The following SULT1B1 variants were observed in gnomAD, a reference collection of about 807,000 sequenced individuals.
SULT1B1 encodes the protein sulfotransferase 1B1.
SULT1B1 carries 28 observed loss-of-function variants against 34.6 expected under a neutral mutation model. The ratio of observed to expected loss-of-function variants is 0.81; its 90% CI spans 0.60 to 1.11. The LOEUF (loss-of-function observed/expected upper bound fraction) is 1.11, where lower values mean the gene tolerates loss of function less well. Among genes scored for constraint, SULT1B1 ranks in the 50% least tolerant of loss-of-function variants. The pLI is 0.00. For missense variants in SULT1B1, 374 were observed against 352.2 expected (o/e 1.06, Z -0.50); for synonymous variants, 147 against 110.2 (o/e 1.33, Z -2.09).
chr4:69,726,885 C>CTTTA lies in SULT1B1; in HGVS notation c.*199_*202dup, dbSNP rs1336671894. The stretch of plus-strand genomic sequence containing the variant: ...TTTGTTACAAAAAGTTAACAATGAA[C>CTTTA]TTTAGCCTTAGAGAATTTGGAAACT... On this transcript the variant is annotated 3_prime_UTR_variant, in exon 8 of 8. Coordinates refer to ENST00000310613, the MANE Select transcript of SULT1B1 (RefSeq NM_014465.4). 4 of 431,480 alleles carry CTTTA rather than the reference C, an allele frequency of 9.3e-6. No individual in the cohort carries two copies. In the East Asian group the frequency reaches 1.6e-4, roughly 17 times the overall value. The allele number at this position is 431,480 out of a possible 1,614,324, so 26.7% of individuals were successfully genotyped here.
In SULT1B1 at chr4:69,723,178, G is replaced by C. The variant is rs1717707549; in HGVS notation, c.*3910C>G. The C allele has an allele frequency of 6.6e-6, 1 of 151,858 alleles. No homozygotes were observed. The highest frequency in any genetic ancestry group is 2.1e-4 in the South Asian group (1 of 4,788). 9.4% of individuals were successfully genotyped at this position (151,858 alleles called of 1,614,324 possible). Reference sequence around the variant, plus strand: ...GAATCAAATAGATGCAATAAAAAAAGATAAAGGGGATATCACCACCGATGA... The same window carrying C: ...GAATCAAATAGATGCAATAAAAAAACATAAAGGGGATATCACCACCGATGA... On this transcript the variant is annotated 3_prime_UTR_variant, in exon 8 of 8. Transcript: ENST00000310613.
intron 4 of SULT1B1, among the ~76,000 whole-genome samples, chr4:69,744,602 T>C (rs1475246882): frequency 1.3e-5 from 2 of 152,218 alleles, no homozygotes; most frequent in Non-Finnish European, 2.9e-5. Context: ...CTTGTGTTTA[T>C]TTGGATCTTC....
chr4:69,746,707 T>TCAACAATTTTATGTCTGTCAATTCAA (rs1718760689), intron 4 of SULT1B1, among the ~76,000 whole-genome samples: 1 of 152,224 alleles, frequency 6.6e-6, no homozygotes, highest in Non-Finnish European at 1.5e-5. Flanking sequence ...TTCAACAATT[T>TCAACAATTTTATGTCTGTCAATTCAA]CAATCTGGCT....
At chr4:69,753,939 A>G (rs934799768) in intron 3 of SULT1B1, among the ~76,000 whole-genome samples, 5 of 152,148 alleles carry the variant, frequency 3.3e-5, no homozygotes, top group Non-Finnish European at 5.9e-5. Flanking sequence ...TGTATGTCAC[A>G]TTCCTTCCTT....
intron 7 of SULT1B1, among the ~76,000 whole-genome samples, chr4:69,728,878 G>T (rs565048020): frequency 3.3e-5 from 5 of 151,980 alleles, no homozygotes; most frequent in Non-Finnish European, 5.9e-5. Flanking sequence ...GAATGGTGTA[G>T]CCTGGATAAA....
chr4:69,730,420 A>G (rs1718026926), intron 7 of SULT1B1, 81 bp downstream of exon 7: 2 of 1,298,066 alleles, frequency 1.5e-6, no homozygotes, highest in Non-Finnish European at 2.1e-6. Context: ...GAAACTTAGT[A>G]GAGATCACAG....
intron 7 of SULT1B1, 65 bp from the exon 8 acceptor site, chr4:69,727,265 C>A: frequency 7.8e-7 from 1 of 1,285,716 alleles, no homozygotes; most frequent in African/African-American, 1.5e-5. Context: ...TCAGTATATA[C>A]CAAAGGAAAA....
At chr4:69,727,757 G>T (rs1717892581) in intron 7 of SULT1B1, among the ~76,000 whole-genome samples, 1 of 151,862 alleles carries the variant, frequency 6.6e-6, no homozygotes, top group South Asian at 2.1e-4. Flanking sequence ...ATTTAGGTGG[G>T]AATAATAACA....
At chr4:69,753,776 C>T (rs964233666) in intron 3 of SULT1B1, among the ~76,000 whole-genome samples, 7 of 152,126 alleles carry the variant, frequency 4.6e-5, no homozygotes, top group Non-Finnish European at 1.0e-4. Flanking sequence ...GAATTGTAAC[C>T]TAACTGGATG....
intron 4 of SULT1B1, among the ~76,000 whole-genome samples, chr4:69,748,701 G>T (rs1718848984): frequency 6.6e-6 from 1 of 152,076 alleles, no homozygotes; most frequent in African/African-American, 2.4e-5. Flanking sequence ...ATCAATAACA[G>T]AATGAAAACA....
chr4:69,749,327 T>G (rs73826834), intron 4 of SULT1B1, among the ~76,000 whole-genome samples: 11,308 of 152,204 alleles, frequency 0.074, 477 homozygotes, highest in African/African-American at 0.11. Context: ...AGCTATTAAA[T>G]AAATAGAATT....
intron 4 of SULT1B1, among the ~76,000 whole-genome samples, chr4:69,743,390 G>T (rs895999539): frequency 6.6e-6 from 1 of 152,146 alleles, no homozygotes; most frequent in Non-Finnish European, 1.5e-5. Context: ...CGTTTTATGG[G>T]CCTCAGAGGG....
intron 4 of SULT1B1, among the ~76,000 whole-genome samples, chr4:69,742,283 G>A (rs954781873): frequency 2.6e-5 from 4 of 152,100 alleles, no homozygotes; most frequent in African/African-American, 9.7e-5. Flanking sequence ...GTATTTTGTT[G>A]AGGATTTTAG....
chr4:69,742,531 T>C (rs1718590161), intron 4 of SULT1B1, among the ~76,000 whole-genome samples: 2 of 152,254 alleles, frequency 1.3e-5, no homozygotes, highest in Non-Finnish European at 2.9e-5. Context: ...TTGTTATTAC[T>C]AATTCATTTT....
rs1560531744 is a variant in SULT1B1, at chr4:69,754,772, C to G, written c.175G>C (p.Asp59His). Residue 59 changes from aspartate to histidine, a missense_variant, in exon 3 of 8, where the codon GAC (aspartate) becomes CAC (histidine). Coordinates refer to ENST00000310613, the MANE Select transcript of SULT1B1 (RefSeq NM_014465.4). ...ATATCTCCATCATTTAGAATCATGT[C>G]TATAATTTCACTAACCCAAGTAGTA... ...SGTTWVSEII[D>H]MILNDGDIEK... The G allele has an allele frequency of 1.9e-6, 3 of 1,612,548 alleles. No individual in the cohort carries two copies. The South Asian group carries it at 3.3e-5, about 18-fold the overall frequency.
At position 69,727,823 on chromosome 4, in the gene SULT1B1, G is replaced by A. The variant is rs192365546; in HGVS notation, c.779-623C>T. On this transcript the variant is annotated intron_variant, in intron 7 of 7. Coordinates refer to ENST00000310613, the MANE Select transcript of SULT1B1 (RefSeq NM_014465.4). ...ATGTTTTTTAAAGTAAATCTTTGAG[G>A]ATAAAAATTTAAATTTAGTCTCTCA... 2.4e-3 allele frequency among the ~76,000 whole-genome samples: 365 copies of A among 151,876 alleles called. 4 individuals are homozygous for A. Among genetic ancestry groups the A allele is most frequent in the African/African-American group, 8.6e-3 (358 of 41,474 alleles).
chr4:69,746,261 G>T (rs920666655), intron 4 of SULT1B1, among the ~76,000 whole-genome samples: 1 of 152,130 alleles, frequency 6.6e-6, no homozygotes, highest in African/African-American at 2.4e-5. Flanking sequence ...TCTCCATCAA[G>T]GTTGAGAAAA....
chr4:69,725,775 A>T lies in SULT1B1; in HGVS notation c.*1313T>A, dbSNP rs1346341638. ...TTTCAGCAAACTATTGCAAGAACAA[A>T]AAAACCAAACACCTCATGTTCTTAG... On this transcript the variant is annotated 3_prime_UTR_variant, in exon 8 of 8. Coordinates refer to ENST00000310613, the MANE Select transcript of SULT1B1 (RefSeq NM_014465.4). 1 of 151,758 alleles carries T rather than the reference A, an allele frequency of 6.6e-6. No individual in the cohort carries two copies. The highest frequency in any genetic ancestry group is 1.5e-5 in the Non-Finnish European group (1 of 67,976). 9.4% of individuals were successfully genotyped at this position (151,758 alleles called of 1,614,324 possible).
chr4:69,730,057 T>A (rs1014738410), intron 7 of SULT1B1, among the ~76,000 whole-genome samples: 14 of 152,128 alleles, frequency 9.2e-5, no homozygotes, highest in Non-Finnish European at 1.6e-4. Flanking sequence ...TTTCTCCTTT[T>A]GGTGAATTAT....
Sources: gnomAD v4.1 joint callset for allele counts (sites outside exome capture counted in the v4.1 genomes callset) on GRCh38, gnomAD v4.1.1 for gene constraint, MANE v1.5 for transcripts, NCBI Gene and HGNC (gene_info 2026-07-23, HGNC 2026-07-21) for gene names.